The following PCOLCE2 variants were observed in gnomAD, a reference collection of about 807,000 sequenced individuals.
PCOLCE2 encodes the protein procollagen C-proteinase enhancer 2.
In PCOLCE2, 42 loss-of-function variants were observed where a neutral mutation model predicts 47.0. The ratio of observed to expected loss-of-function variants is 0.89; its 90% confidence interval spans 0.70 to 1.16. The LOEUF (loss-of-function observed/expected upper bound fraction) is 1.16, where lower values mean the gene tolerates loss of function less well. Ranked by LOEUF, PCOLCE2 falls within the 50% of genes most tolerant of loss-of-function variation. The probability of loss-of-function intolerance (pLI) is 0.00; values close to 1 mark genes in which losing one functional copy is unlikely to be tolerated. For missense variants in PCOLCE2, 500 were observed against 526.1 expected (o/e 0.95, Z 0.49); for synonymous variants, 169 against 191.7 (o/e 0.88, Z 0.98).
chr3:142,875,355 T>C (rs114089313), intron 2 of PCOLCE2, among the ~76,000 whole-genome samples: 1 of 152,302 alleles, frequency 6.6e-6, no homozygotes, highest in Non-Finnish European at 1.5e-5. Flanking sequence ...GAAAGCAGTC[T>C]GGCTTCCTGG....
intron 2 of PCOLCE2, among the ~76,000 whole-genome samples, chr3:142,886,107 C>T (rs1560143965): frequency 6.6e-6 from 1 of 152,220 alleles, no homozygotes; most frequent in Non-Finnish European, 1.5e-5. Context: ...CACAGGCTTT[C>T]CCTTCACAGG....
At chr3:142,841,877 T>C (rs148667796) in intron 4 of PCOLCE2, among the ~76,000 whole-genome samples, 282 of 152,332 alleles carry the variant, frequency 1.9e-3, no homozygotes, top group African/African-American at 6.7e-3. Context: ...GTAATAATTT[T>C]TATAAAGTTA....
At position 142,834,490 on chromosome 3, in the gene PCOLCE2, T is replaced by C. The variant is rs34271596; in HGVS notation, c.710+4280A>G. ...TTTTTATACTTATTCCTGAGCAGGA[T>C]TTTTATTGCTTTTAAAATAAATTTT... On this transcript the variant is annotated intron_variant, in intron 5 of 8. Coordinates refer to ENST00000295992, the MANE Select transcript of PCOLCE2 (RefSeq NM_013363.4). Among the ~76,000 whole-genome samples the C allele has an allele frequency of 7.9e-3, 1,210 of 152,318 alleles. 5 individuals are homozygous for C. The highest frequency in any genetic ancestry group is 0.013 in the Admixed American group (199 of 15,304).
chr3:142,848,110 A>G, intron 3 of PCOLCE2, 107 bp downstream of exon 3: 1 of 1,147,374 alleles, frequency 8.7e-7, no homozygotes, highest in Non-Finnish European at 1.2e-6. Context: ...GGCATTCACT[A>G]GCTCTTTGAG....
At chr3:142,869,221 G>A (rs1317632404) in intron 2 of PCOLCE2, among the ~76,000 whole-genome samples, 1 of 151,948 alleles carries the variant, frequency 6.6e-6, no homozygotes, top group East Asian at 1.9e-4. Flanking sequence ...AACCCGGGAG[G>A]TGGAGCTTGC....
At chr3:142,858,412 G>T (rs751737599) in intron 2 of PCOLCE2, among the ~76,000 whole-genome samples, 4 of 152,166 alleles carry the variant, frequency 2.6e-5, no homozygotes, top group Non-Finnish European at 4.4e-5. Flanking sequence ...GAATAGTTTC[G>T]GGATTTTCTT....
intron 6 of PCOLCE2, among the ~76,000 whole-genome samples, chr3:142,826,773 T>C (rs1249035385): frequency 2.0e-5 from 3 of 152,162 alleles, no homozygotes; most frequent in African/African-American, 7.2e-5. Context: ...GGAAACACTG[T>C]AGTCCTCCCT....
Position 142,889,000 on chromosome 3 carries a change from C to CCGG in PCOLCE2, c.-105_-104insCCG. ...ACCGCCGCTCACACTGGCAGCAGCG[C>CCGG]TGGCTCACACCGGCGCTCGGCTGCC... On this transcript the variant is annotated 5_prime_UTR_variant, in exon 1 of 9. Transcript: ENST00000295992. The CCGG allele has an allele frequency of 2.0e-6, 1 of 491,618 alleles. No individual in the cohort carries two copies. Among genetic ancestry groups the CCGG allele is most frequent in the Non-Finnish European group, 3.3e-6 (1 of 302,328 alleles). 30.5% of individuals were successfully genotyped at this position (491,618 alleles called of 1,614,324 possible). A position where few individuals can be genotyped will look rare whatever the true frequency, so the allele number is the denominator to read the frequency against.
rs1211469511 is a variant in PCOLCE2 at position 142,827,376 on chromosome 3, C to A, written c.865+2316G>T. On this transcript the variant is annotated intron_variant, in intron 6 of 8. Coordinates refer to ENST00000295992, the MANE Select transcript of PCOLCE2 (RefSeq NM_013363.4). ...CCACCTCCAGCCACCACACCAACCA[C>A]AGCTCTGTTGGCTGAGGAGACAACC... The A allele has an allele frequency of 8.4e-6, 13 of 1,544,842 alleles. No homozygotes were observed. The Admixed American group carries it at 2.2e-4, about 26-fold the overall frequency.
chr3:142,863,587 G>A (rs1218528791), intron 2 of PCOLCE2, among the ~76,000 whole-genome samples: 1 of 152,168 alleles, frequency 6.6e-6, no homozygotes, highest in Non-Finnish European at 1.5e-5. Flanking sequence ...TCACAAATGT[G>A]TAGCCTCAAA....
At chr3:142,840,901 C>T (rs1236003116) in intron 4 of PCOLCE2, among the ~76,000 whole-genome samples, 1 of 151,898 alleles carries the variant, frequency 6.6e-6, no homozygotes, top group African/African-American at 2.4e-5. Context: ...CGGTGAAACC[C>T]CATCTCCACT....
chr3:142,831,522 C>T (rs927091403), intron 5 of PCOLCE2, among the ~76,000 whole-genome samples: 1 of 152,202 alleles, frequency 6.6e-6, no homozygotes, highest in Non-Finnish European at 1.5e-5. Context: ...CGGACTAAGA[C>T]ACTTCCAGCC....
chr3:142,847,279 A>G (rs1937337441), intron 3 of PCOLCE2, among the ~76,000 whole-genome samples: 1 of 152,162 alleles, frequency 6.6e-6, no homozygotes, highest in South Asian at 2.1e-4. Flanking sequence ...TTTTATACGA[A>G]TATTTTGTGC....
chr3:142,846,594 G>A (rs1305517602), intron 3 of PCOLCE2: 2 of 152,054 alleles, frequency 1.3e-5, no homozygotes, highest in Non-Finnish European at 2.9e-5. Context: ...ATCACTTTCT[G>A]GGACAAAAAT....
chr3:142,858,174 C>T (rs752737234), intron 2 of PCOLCE2, among the ~76,000 whole-genome samples: 25 of 152,224 alleles, frequency 1.6e-4, no homozygotes, highest in Non-Finnish European at 1.8e-4. Context: ...GTTCCCTCTC[C>T]CCTTTGGTGC....
chr3:142,871,125 T>G (rs915417272), intron 2 of PCOLCE2, among the ~76,000 whole-genome samples: 1 of 152,210 alleles, frequency 6.6e-6, no homozygotes, highest in Non-Finnish European at 1.5e-5. Context: ...CTGAGGTCAT[T>G]CTTGACTCCT....
chr3:142,825,616 T>C (rs911390457), intron 6 of PCOLCE2, among the ~76,000 whole-genome samples: 1 of 152,188 alleles, frequency 6.6e-6, no homozygotes, highest in African/African-American at 2.4e-5. Flanking sequence ...TCCAAGCTTA[T>C]TTATTTAATC....
chr3:142,857,085 C>T (rs975127898), intron 2 of PCOLCE2, among the ~76,000 whole-genome samples: 1 of 152,178 alleles, frequency 6.6e-6, no homozygotes, highest in Admixed American at 6.5e-5. Flanking sequence ...CCCAATCTAT[C>T]GTATGTGTGC....
chr3:142,868,157 C>T (rs568748068), intron 2 of PCOLCE2, among the ~76,000 whole-genome samples: 5 of 152,230 alleles, frequency 3.3e-5, no homozygotes, highest in Admixed American at 3.3e-4. Context: ...ACGTGCAGGG[C>T]TCTAAGGAAA....
Sources: allele counts gnomAD v4.1 joint callset (sites outside exome capture counted in the v4.1 genomes callset), GRCh38; gene constraint gnomAD v4.1.1; transcripts MANE v1.5; gene names NCBI Gene and HGNC (gene_info 2026-07-23, HGNC 2026-07-21).